The following NCK2 variants were observed in gnomAD, a reference collection of about 807,000 sequenced individuals.
NCK2 encodes cytoplasmic protein NCK2.
A neutral mutation model predicts 33.9 loss-of-function variants in NCK2; 16 were observed. The ratio of observed to expected loss-of-function variants is 0.47; its 90% confidence interval spans 0.32 to 0.72. The LOEUF is 0.72. NCK2 is among the 30% of genes least tolerant of loss of function. The probability of loss-of-function intolerance (pLI) is 0.03; values close to 1 mark genes in which losing one functional copy is unlikely to be tolerated. For synonymous variants in NCK2, 273 were observed against 239.9 expected (o/e 1.14, Z -1.27); for missense variants, 418 against 537.3 (o/e 0.78, Z 2.19).
At chr2:105,812,049 T>C (rs1301962226) in intron 1 of NCK2, among the ~76,000 whole-genome samples, 1 of 152,230 alleles carries the variant, frequency 6.6e-6, no homozygotes, top group African/African-American at 2.4e-5. Flanking sequence ...CCTCGTGTTT[T>C]CATTAATCAG....
At chr2:105,876,913 G>A (rs898370755) in intron 3 of NCK2, among the ~76,000 whole-genome samples, 5 of 152,050 alleles carry the variant, frequency 3.3e-5, no homozygotes, top group East Asian at 3.9e-4. Flanking sequence ...ACTTGCCCTC[G>A]GTCTGGACGC....
At chr2:105,779,441 A>G (rs1438173361) in intron 1 of NCK2, among the ~76,000 whole-genome samples, 1 of 152,212 alleles carries the variant, frequency 6.6e-6, no homozygotes, top group Non-Finnish European at 1.5e-5. Context: ...GTTGATTGCC[A>G]TGTGACTGTT....
chr2:105,856,390 T>G (rs1031898397), intron 3 of NCK2, among the ~76,000 whole-genome samples: 3 of 152,202 alleles, frequency 2.0e-5, no homozygotes, highest in African/African-American at 7.2e-5. Context: ...GGTTATCACT[T>G]AAGGGTTTGC....
At chr2:105,850,053 C>A (rs780083790) in intron 2 of NCK2, among the ~76,000 whole-genome samples, 5 of 152,138 alleles carry the variant, frequency 3.3e-5, no homozygotes, top group Non-Finnish European at 7.3e-5. Flanking sequence ...TCATGTCTCT[C>A]CTGAGCATCA....
intron 3 of NCK2, among the ~76,000 whole-genome samples, chr2:105,861,424 G>A (rs1677527132): frequency 6.6e-6 from 1 of 152,084 alleles, no homozygotes. Flanking sequence ...TAGGTGCTGT[G>A]TGCTGGATCC....
chr2:105,780,914 A>G (rs1018251556), intron 1 of NCK2, among the ~76,000 whole-genome samples: 3 of 152,198 alleles, frequency 2.0e-5, no homozygotes, highest in South Asian at 2.1e-4. Context: ...TCCTTTGTTT[A>G]TAAGCCACCA....
At chr2:105,773,153 C>G (rs1690190125) in intron 1 of NCK2, among the ~76,000 whole-genome samples, 1 of 151,958 alleles carries the variant, frequency 6.6e-6, no homozygotes, top group African/African-American at 2.4e-5. Flanking sequence ...CCTGCCTCAG[C>G]CTCCCAAAGT....
At chr2:105,821,939 T>C (rs1675756009) in intron 2 of NCK2, among the ~76,000 whole-genome samples, 1 of 151,162 alleles carries the variant, frequency 6.6e-6, no homozygotes, top group Non-Finnish European at 1.5e-5. Flanking sequence ...GGCTGCTGTC[T>C]CTGACACATG....
At chr2:105,844,739 CGG>C (rs1247087422) in intron 2 of NCK2, among the ~76,000 whole-genome samples, 12 of 71,010 alleles carry the variant, frequency 1.7e-4, no homozygotes, top group African/African-American at 5.9e-4. Context: ...TGTCTTGGGG[CGG>C]GGGGGGATAT....
At chr2:105,752,084 G>C (rs1370157978) in intron 1 of NCK2, among the ~76,000 whole-genome samples, 1 of 152,076 alleles carries the variant, frequency 6.6e-6, no homozygotes. Flanking sequence ...TAGTATATAC[G>C]TTTACTGCAC....
At position 105,841,457 on chromosome 2, in the gene NCK2, C is replaced by T. The variant is rs138080475; in HGVS notation, c.-16-13591C>T. ...AGGGTGAGGTACAGGGGAAGGGGCA[C>T]GGAGCTTCCATGCCTTCTCCAGGAA... On this transcript the variant is annotated intron_variant, in intron 2 of 4. Transcript: ENST00000233154. Among the ~76,000 whole-genome samples the T allele has an allele frequency of 5.6e-4, 85 of 152,154 alleles. No individual in the cohort carries two copies. The East Asian group carries it at 0.01, about 19-fold the overall frequency.
chr2:105,786,976 G>A (rs901226595), intron 1 of NCK2, among the ~76,000 whole-genome samples: 2 of 152,244 alleles, frequency 1.3e-5, no homozygotes, highest in Non-Finnish European at 2.9e-5. Flanking sequence ...GCGTGGTGCC[G>A]CACAGGTGCT....
At chr2:105,769,420 C>T (rs1236311262) in intron 1 of NCK2, among the ~76,000 whole-genome samples, 1 of 152,166 alleles carries the variant, frequency 6.6e-6, no homozygotes, top group African/African-American at 2.4e-5. Flanking sequence ...CTCCCCCGTT[C>T]TTGCTTCTCA....
At chr2:105,838,256 T>C (rs1171792752) in intron 2 of NCK2, among the ~76,000 whole-genome samples, 2 of 152,330 alleles carry the variant, frequency 1.3e-5, no homozygotes, top group East Asian at 3.9e-4. Flanking sequence ...AAATTAAATT[T>C]TGGAGTTGAT....
At chr2:105,790,098 G>C (rs1162368690) in intron 1 of NCK2, among the ~76,000 whole-genome samples, 1 of 152,210 alleles carries the variant, frequency 6.6e-6, no homozygotes, top group South Asian at 2.1e-4. Context: ...CCTATTTGTA[G>C]AACGAGAAGA....
intron 1 of NCK2, among the ~76,000 whole-genome samples, chr2:105,790,748 T>C: frequency 6.6e-6 from 1 of 152,212 alleles, no homozygotes; most frequent in African/African-American, 2.4e-5. Flanking sequence ...AGACTGTACC[T>C]GTTTCTTTAA....
intron 3 of NCK2, among the ~76,000 whole-genome samples, chr2:105,874,998 T>G (rs565248792): frequency 8.5e-5 from 13 of 152,366 alleles, no homozygotes; most frequent in Middle Eastern, 3.4e-3. Flanking sequence ...ACTTTCTGTC[T>G]GCTCACTGAG....
chr2:105,799,291 TC>T (rs766680599), intron 1 of NCK2, among the ~76,000 whole-genome samples: 2 of 152,198 alleles, frequency 1.3e-5, no homozygotes, highest in Non-Finnish European at 2.9e-5. Context: ...AGTTCTTCCT[TC>T]AGGGTTATAA....
intron 1 of NCK2, among the ~76,000 whole-genome samples, chr2:105,781,050 GTCT>G (rs1690479710): frequency 6.6e-6 from 1 of 152,150 alleles, no homozygotes; most frequent in South Asian, 2.1e-4. Context: ...TGGTCTTCCT[GTCT>G]TCTTGCTTTC....
Sources: allele counts gnomAD v4.1 joint callset (sites outside exome capture counted in the v4.1 genomes callset), GRCh38; gene constraint gnomAD v4.1.1; transcripts MANE v1.5; gene names NCBI Gene and HGNC (gene_info 2026-07-23, HGNC 2026-07-21).